Variants in MEOX2 observed in about 807,000 individuals in gnomAD.
The protein encoded by MEOX2 is mesenchyme homeobox 2, also known as homeobox protein MOX-2.
Under a neutral mutation model 27.0 loss-of-function variants are expected in MEOX2, and 11 were observed. The ratio of observed to expected loss-of-function variants is 0.41; its 90% confidence interval spans 0.26 to 0.68. The LOEUF is 0.68. Among genes scored for constraint, MEOX2 ranks in the 30% least tolerant of loss-of-function variants. The pLI is 0.33. For synonymous variants in MEOX2, 189 were observed against 155.4 expected (o/e 1.22, Z -1.61); for missense variants, 436 against 385.4 (o/e 1.13, Z -1.10).
chr7:15,672,395 G>A (rs1460186044), intron 1 of MEOX2, among the ~76,000 whole-genome samples: 1 of 152,144 alleles, frequency 6.6e-6, no homozygotes, highest in African/African-American at 2.4e-5. Flanking sequence ...TAAAAATAAT[G>A]TAATGAGGCA....
intron 1 of MEOX2, among the ~76,000 whole-genome samples, chr7:15,645,205 A>T (rs1169603425): frequency 6.6e-6 from 1 of 152,242 alleles, no homozygotes; most frequent in Non-Finnish European, 1.5e-5. Context: ...TGTAGTGTTA[A>T]TCTGACAATC....
rs368588546 is a variant in MEOX2 at position 15,634,643 on chromosome 7, A to G, written c.518-7725T>C. Among the ~76,000 whole-genome samples, 5 of 151,988 alleles carry G rather than the reference A, an allele frequency of 3.3e-5. No homozygotes were observed. In the East Asian group the frequency reaches 5.8e-4, roughly 18 times the overall value. ...ATATAGATAATATTTGGATGAAGAC[A>G]TCAATAACTTTCAGTTATACAACTC... On this transcript the variant is annotated intron_variant, in intron 1 of 2. Transcript: ENST00000262041.
chr7:15,612,423 G>A lies in MEOX2; in HGVS notation c.879C>T (p.His293=), dbSNP rs756784235. The A allele has an allele frequency of 5.6e-6, 9 of 1,613,960 alleles. No individual in the cohort carries two copies. In the Admixed American group the frequency reaches 8.3e-5, roughly 15 times the overall value. ...CATGCTCTGAGCTGTGGTCACTGTC[G>A]TGACTGTCTTCATTTGCTATAGAGT... ...TGDSIANEDS[H]DSDHSSEHAH... The change falls in exon 3 of 3, where the codon CAC becomes CAT. Residue 293 remains histidine, a synonymous_variant. Transcript: ENST00000262041.
chr7:15,637,595 T>C (rs921430330), intron 1 of MEOX2, among the ~76,000 whole-genome samples: 2 of 151,946 alleles, frequency 1.3e-5, no homozygotes, highest in Non-Finnish European at 2.9e-5. Context: ...TACTTCTCAA[T>C]AAGCAGAAAA....
intron 1 of MEOX2, among the ~76,000 whole-genome samples, chr7:15,672,844 A>G (rs900946979): frequency 1.3e-5 from 2 of 151,952 alleles, no homozygotes; most frequent in African/African-American, 2.4e-5. Flanking sequence ...GTGAGCCGAG[A>G]TCGTGCCACC....
At chr7:15,639,800 C>T (rs1293057707) in intron 1 of MEOX2, among the ~76,000 whole-genome samples, 1 of 152,046 alleles carries the variant, frequency 6.6e-6, no homozygotes, top group Non-Finnish European at 1.5e-5. Context: ...TCTAGGCTCT[C>T]TATTCTGTTC....
rs1280924712 is a variant in MEOX2, at chr7:15,626,746, C to T, written c.690G>A (p.Gln230=). Residue 230 remains glutamine, a splice_region_variant and synonymous_variant, in exon 2 of 3, where the codon CAG becomes CAA. Coordinates refer to ENST00000262041, the MANE Select transcript of MEOX2 (RefSeq NM_005924.5). ...IAVNLDLTER[Q]VKVWFQNRRM... is the part of the protein sequence containing the mutation. Reference sequence around the variant, plus strand: ...ATATAATGATAATGCCCAGCTTTACCTGTCTTTCAGTGAGATCCAGATTCA... The same window carrying T: ...ATATAATGATAATGCCCAGCTTTACTTGTCTTTCAGTGAGATCCAGATTCA... 6.2e-7 allele frequency: 1 copy of T among 1,603,710 alleles called. No individual in the cohort carries two copies.
intron 2 of MEOX2, among the ~76,000 whole-genome samples, chr7:15,612,940 C>A (rs1281164188): frequency 6.6e-6 from 1 of 152,162 alleles, no homozygotes; most frequent in Non-Finnish European, 1.5e-5. Context: ...TTGGAGCTAA[C>A]ATAATATTTG....
At chr7:15,630,145 C>A (rs1476367963) in intron 1 of MEOX2, among the ~76,000 whole-genome samples, 1 of 152,072 alleles carries the variant, frequency 6.6e-6, no homozygotes, top group African/African-American at 2.4e-5. Flanking sequence ...TTCACACACT[C>A]TCTCAGCGCT....
At chr7:15,655,377 T>C (rs1781801891) in intron 1 of MEOX2, among the ~76,000 whole-genome samples, 1 of 151,594 alleles carries the variant, frequency 6.6e-6, no homozygotes. Context: ...ATTTTCAACA[T>C]CATTGATTTC....
intron 1 of MEOX2, chr7:15,678,920 G>A (rs1335039443): frequency 1.3e-5 from 2 of 152,064 alleles, no homozygotes; most frequent in African/African-American, 4.8e-5. Flanking sequence ...GTAGCATTAT[G>A]GGATTCTCTT....
At chr7:15,669,300 C>T (rs1248052523) in intron 1 of MEOX2, among the ~76,000 whole-genome samples, 2 of 152,202 alleles carry the variant, frequency 1.3e-5, no homozygotes, top group African/African-American at 4.8e-5. Flanking sequence ...GTTGCCTGGG[C>T]ACTTATTTAT....
At chr7:15,682,804 A>T (rs972406114) in intron 1 of MEOX2, among the ~76,000 whole-genome samples, 1 of 151,924 alleles carries the variant, frequency 6.6e-6, no homozygotes, top group East Asian at 1.9e-4. Flanking sequence ...TTTTTTCAGC[A>T]GTTGTAAAGT....
chr7:15,615,050 G>A (rs1583734669), intron 2 of MEOX2, among the ~76,000 whole-genome samples: 2 of 152,038 alleles, frequency 1.3e-5, no homozygotes, highest in East Asian at 3.9e-4. Flanking sequence ...AGAAAAAATA[G>A]TACAAAAAAG....
chr7:15,615,458 G>A (rs919232778), intron 2 of MEOX2, among the ~76,000 whole-genome samples: 2 of 151,696 alleles, frequency 1.3e-5, no homozygotes, highest in African/African-American at 2.4e-5. Context: ...GTATGTGGAC[G>A]CCATCCATGT....
At chr7:15,678,276 TA>T (rs1258814612) in intron 1 of MEOX2, among the ~76,000 whole-genome samples, 10 of 152,220 alleles carry the variant, frequency 6.6e-5, no homozygotes, top group African/African-American at 2.4e-4. Flanking sequence ...TATCTTTGAA[TA>T]ATATTAAATA....
chr7:15,664,408 C>G (rs912585834), intron 1 of MEOX2, among the ~76,000 whole-genome samples: 1 of 151,976 alleles, frequency 6.6e-6, no homozygotes, highest in Non-Finnish European at 1.5e-5. Context: ...TTTGGAGGTA[C>G]TCATTTATTT....
At chr7:15,652,190 C>CAG (rs1781741912) in intron 1 of MEOX2, among the ~76,000 whole-genome samples, 1 of 151,962 alleles carries the variant, frequency 6.6e-6, no homozygotes, top group Non-Finnish European at 1.5e-5. Context: ...CAGTAACATG[C>CAG]TTTTACTGTT....
chr7:15,645,074 G>A (rs1380225766), intron 1 of MEOX2, among the ~76,000 whole-genome samples: 3 of 152,188 alleles, frequency 2.0e-5, no homozygotes, highest in African/African-American at 7.2e-5. Flanking sequence ...ATTAAGGTAA[G>A]GAGGTATGAT....
Sources: allele counts gnomAD v4.1 joint callset (sites outside exome capture counted in the v4.1 genomes callset), GRCh38; gene constraint gnomAD v4.1.1; transcripts MANE v1.5; gene names NCBI Gene and HGNC (gene_info 2026-07-23, HGNC 2026-07-21).